Variants in RAD23B observed in about 807,000 individuals in gnomAD.
RAD23B encodes RAD23 nucleotide excision repair protein B, also known as lysine-specific demethylase RAD23B.
In RAD23B, 5 loss-of-function variants were observed where a neutral mutation model predicts 49.1. The ratio of observed to expected loss-of-function variants is 0.10; its 90% CI spans 0.05 to 0.21. The LOEUF (loss-of-function observed/expected upper bound fraction) is 0.21, where lower values mean the gene tolerates loss of function less well. RAD23B is among the 10% of genes least tolerant of loss of function. The pLI is 1.00. For synonymous variants in RAD23B, 184 were observed against 165.4 expected (o/e 1.11, Z -0.86); for missense variants, 356 against 486.7 (o/e 0.73, Z 2.53).
chr9:107,298,642 C>A (rs1266195406), intron 1 of RAD23B, among the ~76,000 whole-genome samples: 1 of 151,314 alleles, frequency 6.6e-6, no homozygotes, highest in African/African-American at 2.4e-5. Flanking sequence ...AATGTACTTA[C>A]ATTTATTAAT....
intron 5 of RAD23B, among the ~76,000 whole-genome samples, chr9:107,313,912 TCTCCTTCCTTC>T (rs779658397): frequency 5.3e-4 from 80 of 151,818 alleles, no homozygotes; most frequent in Non-Finnish European, 9.0e-4. Flanking sequence ...TCCTTTCCTT[TCTCCTTCCTTC>T]CTCCTTCCTT....
intron 3 of RAD23B, among the ~76,000 whole-genome samples, chr9:107,306,045 T>TATATATATA (rs1564245432): frequency 4.9e-4 from 13 of 26,798 alleles, no homozygotes; most frequent in East Asian, 2.1e-3. Context: ...ATGATACGGT[T>TATATATATA]TATATCTATA....
At chr9:107,309,731 A>G (rs1477115966) in intron 4 of RAD23B, among the ~76,000 whole-genome samples, 2 of 152,144 alleles carry the variant, frequency 1.3e-5, no homozygotes, top group Non-Finnish European at 2.9e-5. Context: ...GGAGATTGAG[A>G]CCATCCTGGC....
At chr9:107,310,153 A>G (rs1826864286) in intron 4 of RAD23B, among the ~76,000 whole-genome samples, 1 of 152,160 alleles carries the variant, frequency 6.6e-6, no homozygotes, top group Non-Finnish European at 1.5e-5. Context: ...AATGTGGGGA[A>G]AATGCTATTG....
At chr9:107,305,094 G>A (rs1826735271) in intron 3 of RAD23B, among the ~76,000 whole-genome samples, 2 of 151,804 alleles carry the variant, frequency 1.3e-5, no homozygotes, top group Admixed American at 6.6e-5. Context: ...TTGGAGACCT[G>A]TCTGGGTAAC....
rs1024551184 is a variant in RAD23B at position 107,318,625 on chromosome 9, A to G, written c.554-127A>G. ...CTACTACATATATGTTGTAATTTAT[A>G]CTGTTACTCATCTTTGTATTCCCAG... On this transcript the variant is annotated intron_variant, in intron 5 of 9. Transcript: ENST00000358015. The surrounding 1 kb of genome is among the most constrained non-coding windows in gnomAD (Gnocchi z 4.3). 14 of 1,044,428 alleles carry G rather than the reference A, an allele frequency of 1.3e-5. No individual in the cohort carries two copies. Among genetic ancestry groups the G allele is most frequent in the Non-Finnish European group, 1.9e-5 (14 of 732,286 alleles). 64.7% of individuals were successfully genotyped at this position (1,044,428 alleles called of 1,614,324 possible). A position where few individuals can be genotyped will look rare whatever the true frequency, so the allele number is the denominator to read the frequency against.
At chr9:107,316,317 A>T (rs1333668770) in intron 5 of RAD23B, among the ~76,000 whole-genome samples, 1 of 152,152 alleles carries the variant, frequency 6.6e-6, no homozygotes, top group Non-Finnish European at 1.5e-5. Flanking sequence ...GTCTTTACCA[A>T]ATTATTAATC....
At chr9:107,321,892 CAA>C in intron 6 of RAD23B, 89 bp from the exon 7 acceptor site, 1 of 1,262,996 alleles carries the variant, frequency 7.9e-7, no homozygotes. Flanking sequence ...GAAAATCAAA[CAA>C]GATGTTAAAT....
At chr9:107,295,748 A>C (rs1228477284) in intron 1 of RAD23B, among the ~76,000 whole-genome samples, 1 of 152,330 alleles carries the variant, frequency 6.6e-6, no homozygotes, top group East Asian at 1.9e-4. Flanking sequence ...GCAGTCTCTT[A>C]GGTAAAAGTT....
intron 1 of RAD23B, among the ~76,000 whole-genome samples, chr9:107,296,914 G>A (rs1376265834): frequency 1.4e-5 from 2 of 147,996 alleles, no homozygotes; most frequent in Admixed American, 6.8e-5. Flanking sequence ...GAGTGCAGTG[G>A]CACAATTTCG....
chr9:107,331,503 T>C lies in RAD23B; in HGVS notation c.*1847T>C. 1.7e-6 allele frequency: 1 copy of C among 580,628 alleles called. No homozygotes were observed. The highest frequency in any genetic ancestry group is 2.3e-5 in the South Asian group (1 of 43,612). The allele number at this position is 580,628 out of a possible 1,614,324, so 36.0% of individuals were successfully genotyped here. A position where few individuals can be genotyped will look rare whatever the true frequency, so the allele number is the denominator to read the frequency against. ...ACAGGCTTTTGGACTTTGTATTACCTGTATGTTTTATAATGGATCATGCAT... is the reference window on the plus strand; with the variant it reads ...ACAGGCTTTTGGACTTTGTATTACCCGTATGTTTTATAATGGATCATGCAT... On this transcript the variant is annotated 3_prime_UTR_variant, in exon 10 of 10. Transcript: ENST00000358015.
chr9:107,317,095 C>CGTGTGT (rs10603112), intron 5 of RAD23B, among the ~76,000 whole-genome samples: 1 of 149,914 alleles, frequency 6.7e-6, no homozygotes, highest in Non-Finnish European at 1.5e-5. Flanking sequence ...CACACGCGTG[C>CGTGTGT]GTGTGTGTGT....
At chr9:107,292,287 T>A (rs1833397851) in intron 1 of RAD23B, among the ~76,000 whole-genome samples, 1 of 152,232 alleles carries the variant, frequency 6.6e-6, no homozygotes, top group Non-Finnish European at 1.5e-5. Context: ...GTAGTGCACA[T>A]ACTTTGTACC....
At chr9:107,303,992 T>C (rs1035033924) in intron 3 of RAD23B, among the ~76,000 whole-genome samples, 4 of 152,172 alleles carry the variant, frequency 2.6e-5, no homozygotes, top group African/African-American at 4.8e-5. Context: ...TTCCTAATAT[T>C]ACATAGGATT....
rs562121001 is a variant in RAD23B, at chr9:107,326,918, C to T, written c.1116+1914C>T. On this transcript the variant is annotated intron_variant, in intron 9 of 9. Transcript: ENST00000358015. Reference sequence around the variant, plus strand: ...CCTCCTAAAGTGCTGGGATTACAGGCGTGAGCCACTGCACCCGGCCAACTT... The same window carrying T: ...CCTCCTAAAGTGCTGGGATTACAGGTGTGAGCCACTGCACCCGGCCAACTT... 5.9e-5 allele frequency among the ~76,000 whole-genome samples: 9 copies of T among 152,212 alleles called. No homozygotes were observed. In the East Asian group the frequency reaches 1.7e-3, roughly 29 times the overall value.
At chr9:107,315,688 AT>A (rs1826978799) in intron 5 of RAD23B, among the ~76,000 whole-genome samples, 1 of 151,180 alleles carries the variant, frequency 6.6e-6, no homozygotes, top group Non-Finnish European at 1.5e-5. Context: ...TAATTTTTGT[AT>A]TTTTAGTAGA....
At chr9:107,327,731 A>G (rs949946908) in intron 9 of RAD23B, among the ~76,000 whole-genome samples, 1 of 152,176 alleles carries the variant, frequency 6.6e-6, no homozygotes, top group Non-Finnish European at 1.5e-5. Context: ...AGTTCTTATT[A>G]AGTGGTCTAT....
chr9:107,298,474 ATTTTTTTTTTT>A (rs35923233), intron 1 of RAD23B, among the ~76,000 whole-genome samples: 2,363 of 53,186 alleles, frequency 0.044, 43 homozygotes, highest in Non-Finnish European at 0.054. Flanking sequence ...TGCTTGGCTA[ATTTTTTTTTTT>A]TTTTTTTTTT....
At chr9:107,320,751 G>T (rs992652390) in intron 6 of RAD23B, among the ~76,000 whole-genome samples, 1 of 152,148 alleles carries the variant, frequency 6.6e-6, no homozygotes, top group South Asian at 2.1e-4. Context: ...GGACGCCCTG[G>T]ATCCTAAATT....
Sources: gnomAD v4.1 joint callset for allele counts (sites outside exome capture counted in the v4.1 genomes callset) on GRCh38, gnomAD v4.1.1 for gene constraint, Gnocchi (gnomAD v3.1) non-coding constraint, MANE v1.5 for transcripts, NCBI Gene and HGNC (gene_info 2026-07-23, HGNC 2026-07-21) for gene names.